Variants in CMKLR1 observed in about 807,000 individuals in gnomAD.
CMKLR1 encodes the protein chemerin chemokine-like receptor 1.
CMKLR1 carries 6 observed loss-of-function variants against 8.2 expected under a neutral mutation model. The ratio of observed to expected loss-of-function variants is 0.73; its 90% CI spans 0.40 to 1.44. The LOEUF is 1.44. Among genes scored for constraint, CMKLR1 ranks in the 40% most tolerant of loss-of-function variants. CMKLR1 has a pLI of 0.02. For missense variants in CMKLR1, 429 were observed against 478.0 expected (o/e 0.90, Z 0.96); for synonymous variants, 178 against 181.2 (o/e 0.98, Z 0.14).
At chr12:108,302,348 C>G (rs1566020720) in intron 2 of CMKLR1, among the ~76,000 whole-genome samples, 1 of 152,246 alleles carries the variant, frequency 6.6e-6, no homozygotes, top group Non-Finnish European at 1.5e-5. Context: ...GCCCCACCTC[C>G]CTGCAAGGAA....
At chr12:108,303,477 A>C (rs1378828474) in intron 2 of CMKLR1, among the ~76,000 whole-genome samples, 1 of 152,246 alleles carries the variant, frequency 6.6e-6, no homozygotes, top group Non-Finnish European at 1.5e-5. Flanking sequence ...GCTACTAATG[A>C]GAAAACAGGC....
intron 1 of CMKLR1, among the ~76,000 whole-genome samples, chr12:108,330,920 C>T (rs1892089062): frequency 6.6e-6 from 1 of 152,164 alleles, no homozygotes; most frequent in African/African-American, 2.4e-5. Flanking sequence ...AGGTCAAACA[C>T]AAGGCTGGCT....
chr12:108,308,664 G>A (rs948712726), intron 2 of CMKLR1, among the ~76,000 whole-genome samples: 12 of 152,186 alleles, frequency 7.9e-5, no homozygotes, highest in African/African-American at 1.7e-4. Context: ...GGGTGAGGAC[G>A]GGCAAGGCAG....
At chr12:108,313,481 C>T (rs1296558773) in intron 2 of CMKLR1, among the ~76,000 whole-genome samples, 2 of 152,178 alleles carry the variant, frequency 1.3e-5, no homozygotes, top group Non-Finnish European at 2.9e-5. Context: ...CCTTCCCATG[C>T]TATGTAATCT....
chr12:108,324,114 A>C (rs1317854690), intron 2 of CMKLR1, among the ~76,000 whole-genome samples: 1 of 152,170 alleles, frequency 6.6e-6, no homozygotes, highest in Non-Finnish European at 1.5e-5. Context: ...CCCCAGTGGA[A>C]AGGTACTTGG....
chr12:108,331,357 G>T (rs75114547), intron 1 of CMKLR1, among the ~76,000 whole-genome samples: 1 of 152,160 alleles, frequency 6.6e-6, no homozygotes, highest in South Asian at 2.1e-4. Context: ...TTCCTGGTTC[G>T]GTCCTGATAA....
chr12:108,324,383 C>T (rs1292169578), intron 2 of CMKLR1, among the ~76,000 whole-genome samples: 5 of 152,166 alleles, frequency 3.3e-5, no homozygotes, highest in South Asian at 4.1e-4. Context: ...CTTAACCTCC[C>T]CGTGCCCCTA....
At position 108,301,656 on chromosome 12, in the gene CMKLR1, G is replaced by A. The variant is rs185150298; in HGVS notation, c.-73-7992C>T. On this transcript the variant is annotated intron_variant, in intron 2 of 3. Transcript: ENST00000550402. ...AGGAGCCAAGCCCATTAGAAATGTC[G>A]TCACAGACTTTTTCCAAAACAACCT... Among the ~76,000 whole-genome samples, 88 of 152,336 alleles carry A rather than the reference G, an allele frequency of 5.8e-4. No individual in the cohort carries two copies. In the East Asian group the frequency reaches 8.3e-3, roughly 14 times the overall value.
intron 1 of CMKLR1, among the ~76,000 whole-genome samples, chr12:108,335,413 T>C (rs1364058260): frequency 6.6e-6 from 1 of 152,186 alleles, no homozygotes; most frequent in East Asian, 1.9e-4. Flanking sequence ...AATGAGGATA[T>C]CTGAGGAGAG....
chr12:108,301,468 C>T (rs1891270335), intron 2 of CMKLR1, among the ~76,000 whole-genome samples: 3 of 152,108 alleles, frequency 2.0e-5, no homozygotes, highest in Admixed American at 1.3e-4. Flanking sequence ...CATGTCTTAC[C>T]TGAAAATGCC....
At chr12:108,306,622 G>C (rs1265172397) in intron 2 of CMKLR1, among the ~76,000 whole-genome samples, 2 of 152,154 alleles carry the variant, frequency 1.3e-5, no homozygotes, top group Non-Finnish European at 2.9e-5. Flanking sequence ...ATTCCTAGTA[G>C]ACAAATCTTT....
At chr12:108,314,274 G>T (rs1436784797) in intron 2 of CMKLR1, among the ~76,000 whole-genome samples, 1 of 152,170 alleles carries the variant, frequency 6.6e-6, no homozygotes, top group African/African-American at 2.4e-5. Flanking sequence ...ACTGACAGTG[G>T]CTGGACCATA....
intron 2 of CMKLR1, among the ~76,000 whole-genome samples, chr12:108,317,407 G>A (rs527698754): frequency 2.6e-5 from 4 of 152,264 alleles, no homozygotes; most frequent in African/African-American, 7.2e-5. Context: ...GACTACCCAT[G>A]GCCTCAGGAG....
At chr12:108,307,118 TCCC>T (rs1891429848) in intron 2 of CMKLR1, among the ~76,000 whole-genome samples, 1 of 152,162 alleles carries the variant, frequency 6.6e-6, no homozygotes, top group South Asian at 2.1e-4. Context: ...ATTTAGTTAA[TCCC>T]CTGACGTCAG....
At chr12:108,323,087 C>G (rs1891898921) in intron 2 of CMKLR1, among the ~76,000 whole-genome samples, 1 of 152,186 alleles carries the variant, frequency 6.6e-6, no homozygotes, top group Non-Finnish European at 1.5e-5. Flanking sequence ...CAGTCAACTT[C>G]ACGCCTTGGG....
intron 1 of CMKLR1, among the ~76,000 whole-genome samples, chr12:108,331,678 G>A (rs776874403): frequency 2.4e-4 from 36 of 152,306 alleles, no homozygotes; most frequent in African/African-American, 6.5e-4. Context: ...TGAGCTCAGC[G>A]TCTTTAAAAA....
intron 1 of CMKLR1, among the ~76,000 whole-genome samples, chr12:108,337,516 G>A (rs1264843531): frequency 6.6e-6 from 1 of 152,178 alleles, no homozygotes; most frequent in Non-Finnish European, 1.5e-5. Flanking sequence ...TAGAAGGAGA[G>A]ACAGACAAGA....
At position 108,291,492 on chromosome 12, in the gene CMKLR1, G is replaced by A. The variant is rs1356276694; in HGVS notation, c.*349C>T. 1.6e-5 allele frequency: 4 copies of A among 254,686 alleles called. No homozygotes were observed. Among genetic ancestry groups the A allele is most frequent in the Non-Finnish European group, 2.3e-5 (3 of 132,800 alleles). 15.8% of individuals were successfully genotyped at this position (254,686 alleles called of 1,614,324 possible). On this transcript the variant is annotated 3_prime_UTR_variant, in exon 4 of 4. Transcript: ENST00000550402. Reference sequence around the variant, plus strand: ...ACACCAGGAATGGACCTTGGAGAGTGTCATTTCTGGGGCACACACAATAGG... The same window carrying A: ...ACACCAGGAATGGACCTTGGAGAGTATCATTTCTGGGGCACACACAATAGG...
In CMKLR1 at chr12:108,292,591, G is replaced by C. The variant is rs746801664; in HGVS notation, c.372C>G (p.Phe124Leu). 2 of 1,614,190 alleles carry C rather than the reference G, an allele frequency of 1.2e-6. No individual in the cohort carries two copies. The highest frequency in any genetic ancestry group is 4.5e-5 in the East Asian group (2 of 44,884). The change falls in exon 4 of 4, where the codon TTC becomes TTG. Residue 124 changes from phenylalanine (F) to leucine (L), a missense_variant. Coordinates refer to ENST00000550402, the MANE Select transcript of CMKLR1 (RefSeq NM_001142343.2). ...TGATGGTCAGCAGGAAGACGCTGGTGAACATGTTGTGGATGAGAAGGAAGT... is the reference window on the plus strand; with the variant it reads ...TGATGGTCAGCAGGAAGACGCTGGTCAACATGTTGTGGATGAGAAGGAAGT... Reference protein sequence around the residue: ...ISNFLLIHNMFTSVFLLTIIS... With the variant: ...ISNFLLIHNMLTSVFLLTIIS...
Sources: gnomAD v4.1 joint callset for allele counts (sites outside exome capture counted in the v4.1 genomes callset) on GRCh38, gnomAD v4.1.1 for gene constraint, MANE v1.5 for transcripts, NCBI Gene and HGNC (gene_info 2026-07-23, HGNC 2026-07-21) for gene names.